Variants in PTPRD observed in about 807,000 individuals in gnomAD.
PTPRD encodes the protein protein tyrosine phosphatase receptor type D.
PTPRD carries 34 observed loss-of-function variants against 214.5 expected under a neutral mutation model. The ratio of observed to expected loss-of-function variants is 0.16; its 90% CI spans 0.12 to 0.21. The LOEUF (loss-of-function observed/expected upper bound fraction) is 0.21. Ranked by LOEUF, PTPRD falls within the 10% of genes least tolerant of loss-of-function variation. The pLI is 1.00. For synonymous variants in PTPRD, 1,128 were observed against 845.7 expected, an observed-to-expected ratio of 1.33 and a Z score of -5.79; for missense variants, 2,545 against 2,398.7, an observed-to-expected ratio of 1.06 and a Z score of -1.27.
chr9:9,917,472 A>T (rs982398472), intron 5 of PTPRD, among the ~76,000 whole-genome samples: 2 of 143,940 alleles, frequency 1.4e-5, no homozygotes, highest in Non-Finnish European at 3.0e-5. Flanking sequence ...AAAAAAAAAA[A>T]TCCAGGACCA....
intron 5 of PTPRD, among the ~76,000 whole-genome samples, chr9:9,934,483 G>A (rs546125436): frequency 2.5e-4 from 36 of 146,596 alleles, no homozygotes; most frequent in Admixed American, 1.3e-3. Context: ...TAGAAGAAAT[G>A]GATAAATTCC....
At chr9:10,389,965 T>C (rs1207355419) in intron 2 of PTPRD, among the ~76,000 whole-genome samples, 8 of 151,846 alleles carry the variant, frequency 5.3e-5, no homozygotes, top group Non-Finnish European at 8.8e-5. Context: ...AGAGAATCTA[T>C]AGCTTTTACA....
chr9:10,514,956 T>G (rs900717381), intron 2 of PTPRD, among the ~76,000 whole-genome samples: 25 of 152,038 alleles, frequency 1.6e-4, no homozygotes, highest in Non-Finnish European at 1.3e-4. Context: ...CATATAAAAT[T>G]GTTGATGATT....
At chr9:8,733,657 C>G (rs2098685784) in intron 12 of PTPRD, 123 bp downstream of exon 12, 1 of 977,280 alleles carries the variant, frequency 1.0e-6, no homozygotes, top group East Asian at 2.7e-5. Flanking sequence ...CAAGGAGGAT[C>G]CCGCAGTGTC....
intron 11 of PTPRD, among the ~76,000 whole-genome samples, chr9:8,931,266 A>G (rs997729030): frequency 6.6e-6 from 1 of 151,872 alleles, no homozygotes; most frequent in African/African-American, 2.4e-5. Context: ...AAGATCAGAT[A>G]GTTGTAGATG....
chr9:10,288,317 A>C (rs1411854845), intron 3 of PTPRD, among the ~76,000 whole-genome samples: 1 of 152,046 alleles, frequency 6.6e-6, no homozygotes, highest in East Asian at 1.9e-4. Context: ...TTTTTTTAAA[A>C]ATTCCATTTG....
chr9:9,070,016 A>G (rs938945849), intron 10 of PTPRD, among the ~76,000 whole-genome samples: 2 of 152,356 alleles, frequency 1.3e-5, no homozygotes, highest in Middle Eastern at 3.4e-3. Flanking sequence ...ACTTCACTGG[A>G]AAATATTTCC....
At chr9:10,484,035 C>A (rs184435575) in intron 2 of PTPRD, among the ~76,000 whole-genome samples, 2 of 152,118 alleles carry the variant, frequency 1.3e-5, no homozygotes, top group South Asian at 2.1e-4. Flanking sequence ...GTCCAACAAC[C>A]AGTGAATGAA....
chr9:9,732,923 A>G (rs905804803), intron 7 of PTPRD, among the ~76,000 whole-genome samples: 1 of 151,472 alleles, frequency 6.6e-6, no homozygotes, highest in Non-Finnish European at 1.5e-5. Flanking sequence ...AAAAAAAAAA[A>G]TTACTAAGAA....
chr9:9,613,122 GTATACATACATACATATATATATATA>G (rs2094609423), intron 7 of PTPRD, among the ~76,000 whole-genome samples: 2 of 68,126 alleles, frequency 2.9e-5, no homozygotes, highest in African/African-American at 1.7e-4. Flanking sequence ...CTAGGCTGCA[GTATACATACATACATATATATATATA>G]TATATATATA....
At chr9:9,698,969 C>G (rs1184015212) in intron 7 of PTPRD, among the ~76,000 whole-genome samples, 1 of 152,104 alleles carries the variant, frequency 6.6e-6, no homozygotes. Flanking sequence ...TTCACTGTTC[C>G]TTGTGTCTAA....
At chr9:8,328,549 T>A (rs1836374320) in intron 44 of PTPRD, among the ~76,000 whole-genome samples, 1 of 152,202 alleles carries the variant, frequency 6.6e-6, no homozygotes, top group Admixed American at 6.5e-5. Context: ...CAGTATTTCC[T>A]GAATTTGAAT....
intron 10 of PTPRD, among the ~76,000 whole-genome samples, chr9:9,137,867 G>T (rs946460874): frequency 2.6e-5 from 4 of 152,010 alleles, no homozygotes; most frequent in African/African-American, 9.7e-5. Context: ...CCCAATTCAG[G>T]TCTAAATAAT....
At chr9:8,798,728 G>T in intron 11 of PTPRD, among the ~76,000 whole-genome samples, 1 of 152,136 alleles carries the variant, frequency 6.6e-6, no homozygotes, top group East Asian at 1.9e-4. Context: ...GAAATTTACA[G>T]GTAGTTAAAT....
chr9:8,920,366 T>C (rs1016861346), intron 11 of PTPRD, among the ~76,000 whole-genome samples: 8 of 152,130 alleles, frequency 5.3e-5, no homozygotes, highest in African/African-American at 1.9e-4. Context: ...TATTTTTTCT[T>C]AAATACTAAG....
chr9:9,962,699 T>A (rs549707756), intron 4 of PTPRD, among the ~76,000 whole-genome samples: 22 of 152,112 alleles, frequency 1.4e-4, no homozygotes, highest in Non-Finnish European at 3.2e-4. Context: ...AATTGTTGTA[T>A]GTATCTACAT....
At position 9,226,861 on chromosome 9, in the gene PTPRD, T is replaced by C. The variant is rs111591567; in HGVS notation, c.-202-43498A>G. On this transcript the variant is annotated intron_variant, in intron 9 of 45. Transcript: ENST00000381196. ...GAATTAAAGACATATTTCACAATCATATGAAGATATGGTCATTGACTAATT... is the reference window on the plus strand; with the variant it reads ...GAATTAAAGACATATTTCACAATCACATGAAGATATGGTCATTGACTAATT... Among the ~76,000 whole-genome samples the C allele has an allele frequency of 1.5e-3, 231 of 152,226 alleles. 1 individual carries two copies. The highest frequency in any genetic ancestry group is 3.4e-3 in the Middle Eastern group (1 of 294).
chr9:9,873,477 T>C (rs961495745), intron 5 of PTPRD, among the ~76,000 whole-genome samples: 7 of 152,084 alleles, frequency 4.6e-5, no homozygotes, highest in Non-Finnish European at 1.0e-4. Flanking sequence ...CTTTTTTTTT[T>C]CTATAAGGGC....
chr9:9,206,391 T>A (rs577140707), intron 9 of PTPRD, among the ~76,000 whole-genome samples: 1 of 152,324 alleles, frequency 6.6e-6, no homozygotes, highest in Admixed American at 6.5e-5. Flanking sequence ...AAAACTATAC[T>A]GGAGTGAGAG....
Sources: allele counts gnomAD v4.1 joint callset (sites outside exome capture counted in the v4.1 genomes callset), GRCh38; gene constraint gnomAD v4.1.1; transcripts MANE v1.5; gene names NCBI Gene and HGNC (gene_info 2026-07-23, HGNC 2026-07-21).